TRIM34: variants seen among roughly 807,000 people sequenced by gnomAD.
TRIM34 encodes E3 ubiquitin-protein ligase TRIM34.
A neutral mutation model predicts 38.1 loss-of-function variants in TRIM34; 41 were observed. The observed-to-expected ratio is 1.08, with a 90% CI of 0.84 to 1.40. The LOEUF is 1.40. TRIM34 is among the 40% of genes most tolerant of loss of function. The pLI, the probability that TRIM34 is intolerant of heterozygous loss-of-function variation, is 0.00. For missense variants in TRIM34, 556 were observed against 571.4 expected (o/e 0.97, Z 0.27); for synonymous variants, 200 against 202.5 (o/e 0.99, Z 0.10).
chr11:5,620,365 G>C (rs1241744939), upstream of TRIM34, among the ~76,000 whole-genome samples: 1 of 151,386 alleles, frequency 6.6e-6, no homozygotes, highest in East Asian at 2.0e-4. Context: ...TTTTAGTAGA[G>C]ACGGGGTTTC....
At chr11:5,640,533 T>C (rs574739063) in intron 4 of TRIM34, among the ~76,000 whole-genome samples, 23 of 152,284 alleles carry the variant, frequency 1.5e-4, no homozygotes, top group Middle Eastern at 3.4e-3. Context: ...CCAGATTTGA[T>C]TTTCTTGTAT....
intron 4 of TRIM34, among the ~76,000 whole-genome samples, chr11:5,640,464 C>A (rs1179049173): frequency 2.0e-5 from 3 of 151,504 alleles, no homozygotes; most frequent in Non-Finnish European, 4.4e-5. Flanking sequence ...GTTGAACCAA[C>A]CTTGCATTTC....
At chr11:5,622,842 T>A (rs1398470551), upstream of TRIM34, among the ~76,000 whole-genome samples, 1 of 152,202 alleles carries the variant, frequency 6.6e-6, no homozygotes, top group Non-Finnish European at 1.5e-5. Flanking sequence ...AGGTTAAGGA[T>A]GCACCCATGA....
chr11:5,620,839 T>C (rs1281003795), upstream of TRIM34, among the ~76,000 whole-genome samples: 1 of 152,220 alleles, frequency 6.6e-6, no homozygotes, highest in African/African-American at 2.4e-5. Context: ...TACAGTGAGA[T>C]AGCAAGGCAA....
chr11:5,635,948 T>G (rs1849716382), intron 4 of TRIM34, among the ~76,000 whole-genome samples: 1 of 152,220 alleles, frequency 6.6e-6, no homozygotes, highest in African/African-American at 2.4e-5. Flanking sequence ...AGATGTAAAA[T>G]AGTAAAGCTA....
At chr11:5,620,399 G>A (rs7124516), upstream of TRIM34, among the ~76,000 whole-genome samples, 10,990 of 150,912 alleles carry the variant, frequency 0.073, 1,229 homozygotes, top group African/African-American at 0.25. Flanking sequence ...GATTGGTCTC[G>A]AATTCCTTGG....
chr11:5,634,518 CACACACACACACATATATAT>C (rs1849629064), intron 3 of TRIM34, 93 bp from the exon 4 acceptor site: 13 of 601,222 alleles, frequency 2.2e-5, no homozygotes, highest in Admixed American at 1.4e-4. Context: ...CACACACACA[CACACACACACACATATATAT>C]ATATATATAT....
At chr11:5,623,534 ATTTTTTTT>A (rs372066980), upstream of TRIM34, among the ~76,000 whole-genome samples, 1 of 126,630 alleles carries the variant, frequency 7.9e-6, no homozygotes, top group Non-Finnish European at 1.6e-5. Context: ...TGCCCGGCTA[ATTTTTTTT>A]TTTTTTTTTT....
upstream of TRIM34, among the ~76,000 whole-genome samples, chr11:5,623,623 G>A (rs1026881278): frequency 1.4e-3 from 206 of 148,768 alleles, 1 homozygote; most frequent in African/African-American, 4.7e-3. Context: ...CTTGTGATCC[G>A]CCCGCCTCAA....
At chr11:5,630,538 C>T (rs1252793446) in intron 1 of TRIM34, among the ~76,000 whole-genome samples, 2 of 152,212 alleles carry the variant, frequency 1.3e-5, no homozygotes, top group South Asian at 4.1e-4. Flanking sequence ...CATTTAAAAA[C>T]TTTCGAACAT....
chr11:5,642,338 C>T (rs1335554943), intron 5 of TRIM34, 68 bp from the exon 6 acceptor site: 2 of 1,416,910 alleles, frequency 1.4e-6, no homozygotes, highest in African/African-American at 1.4e-5. Context: ...GGAGATGAAA[C>T]CAGTGATGTG....
intron 4 of TRIM34, among the ~76,000 whole-genome samples, chr11:5,637,076 G>A (rs1564887952): frequency 6.6e-6 from 1 of 152,196 alleles, no homozygotes; most frequent in African/African-American, 2.4e-5. Context: ...AGGAGGCTGA[G>A]GCAGGAGAAT....
At chr11:5,635,169 T>G (rs947934065) in intron 4 of TRIM34, among the ~76,000 whole-genome samples, 13 of 152,306 alleles carry the variant, frequency 8.5e-5, no homozygotes, top group Admixed American at 6.5e-5. Context: ...ACATGCATTT[T>G]CAGGTTTAAG....
intron 5 of TRIM34, 125 bp downstream of exon 5, chr11:5,641,314 A>G (rs1850002611): frequency 4.5e-6 from 7 of 1,556,004 alleles, no homozygotes; most frequent in Non-Finnish European, 5.2e-6. Flanking sequence ...ATGTATCGTT[A>G]TCTTAAATTG....
chr11:5,634,829 C>T lies in TRIM34; in HGVS notation c.718C>T (p.Arg240Trp), dbSNP rs760151929. Residue 240 changes from arginine (R) to tryptophan (W), a missense_variant, in exon 4 of 8, where the codon CGG becomes TGG. Coordinates refer to ENST00000429814, the MANE Select transcript of TRIM34 (RefSeq NM_021616.6). Reference sequence around the variant, plus strand: ...AGAGCTCATCTCAGATGTGGAGTGTCGGAGTCAGTGGTCAACAATGGAGCT... The same window carrying T: ...AGAGCTCATCTCAGATGTGGAGTGTTGGAGTCAGTGGTCAACAATGGAGCT... ...VRELISDVEC[R>W]SQWSTMELLQ... 52 of 1,612,980 alleles carry T rather than the reference C, an allele frequency of 3.2e-5. No individual in the cohort carries two copies. The highest frequency in any genetic ancestry group is 1.7e-4 in the Middle Eastern group (1 of 6,058).
Position 5,643,553 on chromosome 11 carries a change from C to T in TRIM34, c.1311C>T (p.Leu437=), listed in dbSNP as rs1193532064. ...AVPPCRVGVF[L]DYEAGIVSFF... ...CTCCCTGCCGTGTTGGGGTTTTCCT[C>T]GACTATGAAGCAGGCATTGTCTCAT... Residue 437 remains leucine, a synonymous_variant, in exon 8 of 8, where the codon CTC becomes CTT. Coordinates refer to ENST00000429814, the MANE Select transcript of TRIM34 (RefSeq NM_021616.6). The T allele has an allele frequency of 8.1e-6, 13 of 1,614,146 alleles. No homozygotes were observed. The highest frequency in any genetic ancestry group is 1.1e-5 in the South Asian group (1 of 91,086).
chr11:5,635,421 A>AT (rs904891298), intron 4 of TRIM34, among the ~76,000 whole-genome samples: 25 of 151,522 alleles, frequency 1.6e-4, no homozygotes, highest in African/African-American at 5.8e-4. Flanking sequence ...CGTCTGGCTA[A>AT]TTTTTTTTGT....
chr11:5,636,833 T>G (rs1196143602), intron 4 of TRIM34, among the ~76,000 whole-genome samples: 1 of 152,318 alleles, frequency 6.6e-6, no homozygotes, highest in Non-Finnish European at 1.5e-5. Flanking sequence ...ACTTTGGCTA[T>G]TCCTCTCCAA....
chr11:5,637,560 T>C (rs2133942945), intron 4 of TRIM34, among the ~76,000 whole-genome samples: 1 of 152,352 alleles, frequency 6.6e-6, no homozygotes, highest in Non-Finnish European at 1.5e-5. Context: ...GGAAAGAAGA[T>C]GGCAGTTACT....
Sources: gnomAD v4.1 joint callset for allele counts (sites outside exome capture counted in the v4.1 genomes callset) on GRCh38, gnomAD v4.1.1 for gene constraint, MANE v1.5 for transcripts, NCBI Gene and HGNC (gene_info 2026-07-23, HGNC 2026-07-21) for gene names.